The following SLIT2 variants were observed in gnomAD, a reference collection of about 807,000 sequenced individuals.
The protein encoded by SLIT2 is slit guidance ligand 2.
In SLIT2, 41 loss-of-function variants were observed where a neutral mutation model predicts 185.7. That is an observed-to-expected ratio of 0.22 (90% CI 0.17 to 0.29). SLIT2 has a LOEUF of 0.29. SLIT2 is among the 10% of genes least tolerant of loss of function. The pLI is 1.00. For missense variants in SLIT2, 1,571 were observed against 1,909.0 expected (o/e 0.82, Z 3.30); for synonymous variants, 693 against 680.2 (o/e 1.02, Z -0.29).
intron 4 of SLIT2, among the ~76,000 whole-genome samples, chr4:20,286,127 T>G (rs1715244576): frequency 6.6e-6 from 1 of 152,266 alleles, no homozygotes. Context: ...TTCTTTACCA[T>G]GTATATTAAC....
intron 4 of SLIT2, among the ~76,000 whole-genome samples, chr4:20,306,594 G>A (rs1027776217): frequency 3.9e-5 from 6 of 152,034 alleles, no homozygotes; most frequent in Non-Finnish European, 5.9e-5. Context: ...TTTATTTCCC[G>A]CGATTTGAGA....
At chr4:20,576,501 T>C (rs991940172) in intron 29 of SLIT2, among the ~76,000 whole-genome samples, 1 of 152,208 alleles carries the variant, frequency 6.6e-6, no homozygotes, top group Admixed American at 6.5e-5. Context: ...TTTTAGATTT[T>C]CATGATCTCT....
intron 4 of SLIT2, among the ~76,000 whole-genome samples, chr4:20,402,856 T>A (rs972327870): frequency 6.6e-6 from 1 of 151,856 alleles, no homozygotes; most frequent in Non-Finnish European, 1.5e-5. Flanking sequence ...GAAGGTAATA[T>A]AAGTTGAAGT....
chr4:20,530,751 C>T (rs1721727828), intron 16 of SLIT2, among the ~76,000 whole-genome samples: 1 of 151,898 alleles, frequency 6.6e-6, no homozygotes, highest in African/African-American at 2.4e-5. Flanking sequence ...TAATAAGGCA[C>T]ATAATTCAGA....
chr4:20,375,080 G>A (rs964816361), intron 4 of SLIT2, among the ~76,000 whole-genome samples: 6 of 152,058 alleles, frequency 3.9e-5, no homozygotes, highest in Middle Eastern at 3.2e-3. Flanking sequence ...GTGTGTATGT[G>A]TATAAGTGGA....
intron 3 of SLIT2, among the ~76,000 whole-genome samples, chr4:20,260,880 C>A (rs1712383112): frequency 6.6e-6 from 1 of 151,688 alleles, no homozygotes; most frequent in Non-Finnish European, 1.5e-5. Context: ...CCTCCTCTCC[C>A]TCACCTCCTT....
chr4:20,325,989 A>C (rs1719554341), intron 4 of SLIT2, among the ~76,000 whole-genome samples: 1 of 152,100 alleles, frequency 6.6e-6, no homozygotes, highest in African/African-American at 2.4e-5. Flanking sequence ...GTTAAATGGC[A>C]GTGGCTTTTC....
intron 33 of SLIT2, 112 bp from the exon 34 acceptor site, chr4:20,609,901 T>C (rs1375836266): frequency 6.2e-6 from 6 of 962,748 alleles, no homozygotes; most frequent in Non-Finnish European, 9.1e-6. Context: ...TCTTCATTAG[T>C]GTTAGATTGC....
Position 20,372,755 on chromosome 4 carries a change from A to G in SLIT2, c.396-94997A>G, listed in dbSNP as rs145435935. ...AAGCCCACTCACAGCTTCAAGCATC[A>G]TGATAACAAAATTGAAAGCAAGTGT... On this transcript the variant is annotated intron_variant, in intron 4 of 36. Transcript: ENST00000504154. Among the ~76,000 whole-genome samples the G allele has an allele frequency of 9.3e-4, 141 of 152,222 alleles. 1 individual carries two copies. The highest frequency in any genetic ancestry group is 3.2e-3 in the African/African-American group (131 of 41,578).
intron 12 of SLIT2, among the ~76,000 whole-genome samples, chr4:20,521,857 AT>A (rs1198183873): frequency 6.7e-6 from 1 of 150,004 alleles, no homozygotes; most frequent in Non-Finnish European, 1.5e-5. Context: ...AGATTGTTTT[AT>A]TGTCAAAGGA....
At chr4:20,523,013 G>T (rs1198079202) in intron 12 of SLIT2, among the ~76,000 whole-genome samples, 1 of 152,142 alleles carries the variant, frequency 6.6e-6, no homozygotes, top group Non-Finnish European at 1.5e-5. Context: ...AATTGAGAGT[G>T]CTAGGGGTTG....
intron 4 of SLIT2, among the ~76,000 whole-genome samples, chr4:20,296,156 A>G (rs1265706098): frequency 6.6e-6 from 1 of 152,218 alleles, no homozygotes; most frequent in Non-Finnish European, 1.5e-5. Context: ...CTGATTAAAC[A>G]GTTCCTATTC....
intron 4 of SLIT2, among the ~76,000 whole-genome samples, chr4:20,356,380 A>T (rs114652879): frequency 2.0e-4 from 30 of 152,290 alleles, no homozygotes; most frequent in Middle Eastern, 6.8e-3. Flanking sequence ...TTTCAAACTA[A>T]GACAGGTGCA....
At chr4:20,608,808 C>T (rs1427962398) in intron 33 of SLIT2, among the ~76,000 whole-genome samples, 3 of 152,082 alleles carry the variant, frequency 2.0e-5, no homozygotes, top group Non-Finnish European at 4.4e-5. Flanking sequence ...AATATCAGTG[C>T]CTAGAAATTT....
chr4:20,415,143 G>A (rs1262449371), intron 4 of SLIT2, among the ~76,000 whole-genome samples: 1 of 152,252 alleles, frequency 6.6e-6, no homozygotes, highest in Admixed American at 6.5e-5. Context: ...TGTGCGCGGT[G>A]GCCCGCGCCT....
intron 4 of SLIT2, among the ~76,000 whole-genome samples, chr4:20,293,666 A>G (rs1459858257): frequency 2.0e-5 from 3 of 152,236 alleles, no homozygotes; most frequent in Non-Finnish European, 4.4e-5. Flanking sequence ...TTGAAGAACT[A>G]GAGGCATAGA....
intron 4 of SLIT2, among the ~76,000 whole-genome samples, chr4:20,338,788 T>G (rs1297273992): frequency 6.6e-6 from 1 of 152,122 alleles, no homozygotes; most frequent in Non-Finnish European, 1.5e-5. Flanking sequence ...GTTCCCTTAA[T>G]TAATAAATCA....
chr4:20,268,106 G>T (rs1713227361), intron 3 of SLIT2, among the ~76,000 whole-genome samples: 1 of 151,742 alleles, frequency 6.6e-6, no homozygotes, highest in African/African-American at 2.4e-5. Context: ...CAAGCATCAG[G>T]GCTTAAATTG....
chr4:20,267,741 C>T (rs1403075748), intron 3 of SLIT2, among the ~76,000 whole-genome samples: 1 of 151,834 alleles, frequency 6.6e-6, no homozygotes, highest in Non-Finnish European at 1.5e-5. Flanking sequence ...TACCCGATGA[C>T]CCTTGCAATA....
Sources: allele counts gnomAD v4.1 joint callset (sites outside exome capture counted in the v4.1 genomes callset), GRCh38; gene constraint gnomAD v4.1.1; transcripts MANE v1.5; gene names NCBI Gene and HGNC (gene_info 2026-07-23, HGNC 2026-07-21).